The following EHD2 variants were observed in gnomAD, a reference collection of about 807,000 sequenced individuals.
The protein encoded by EHD2 is EH domain containing 2, also known as EH domain-containing protein 2.
Under a neutral mutation model 41.0 loss-of-function variants are expected in EHD2, and 27 were observed. The observed-to-expected ratio is 0.66, with a 90% confidence interval of 0.49 to 0.91. EHD2 has a LOEUF of 0.91. Among genes scored for constraint, EHD2 ranks in the 40% least tolerant of loss-of-function variants. EHD2 has a pLI of 0.00. For synonymous variants in EHD2, 342 were observed against 341.0 expected (o/e 1.00, Z -0.03); for missense variants, 673 against 773.9 (o/e 0.87, Z 1.55).
intron 4 of EHD2, among the ~76,000 whole-genome samples, chr19:47,730,578 C>G (rs1179786880): frequency 2.6e-5 from 4 of 152,150 alleles, no homozygotes; most frequent in African/African-American, 9.7e-5. Context: ...CCCTCATGCT[C>G]TCCTCCAAAG....
At position 47,725,887 on chromosome 19, in the gene EHD2, A is replaced by G. The variant is rs777696254; in HGVS notation, c.578A>G (p.Lys193Arg). 2 of 1,613,748 alleles carry G rather than the reference A, an allele frequency of 1.2e-6. No individual in the cohort carries two copies. The highest frequency in any genetic ancestry group is 2.2e-5 in the East Asian group (1 of 44,870). ...ATCATCCTGCTCTTTGATGCGCACA[A>G]GCTGGAGATCTCGGACGAGTTCTCA... ...DLIILLFDAHKLEISDEFSEA... is the reference protein window; with the variant it reads ...DLIILLFDAHRLEISDEFSEA... The change falls in exon 4 of 6, where the codon AAG (lysine) becomes AGG (arginine). Residue 193 changes from lysine to arginine, a missense_variant. Coordinates refer to ENST00000263277, the MANE Select transcript of EHD2 (RefSeq NM_014601.4).
intron 2 of EHD2, among the ~76,000 whole-genome samples, chr19:47,718,029 T>G (rs921370114): frequency 1.3e-5 from 2 of 150,718 alleles, no homozygotes; most frequent in Admixed American, 1.3e-4. Context: ...TCCCAGCACT[T>G]TGGGAGGCTG....
chr19:47,718,399 C>A, intron 2 of EHD2, 110 bp from the exon 3 acceptor site: 1 of 889,000 alleles, frequency 1.1e-6, no homozygotes, highest in Non-Finnish European at 1.8e-6. Context: ...TCTTTCTTCG[C>A]CCATAAAGGA....
chr19:47,740,836 G>A, intron 5 of EHD2, 45 bp from the exon 6 acceptor site: 1 of 1,595,242 alleles, frequency 6.3e-7, no homozygotes. Context: ...AGGGCCTCAG[G>A]GATGGCGCCG....
chr19:47,737,098 G>GC (rs1966931865), intron 5 of EHD2, among the ~76,000 whole-genome samples: 2 of 151,970 alleles, frequency 1.3e-5, no homozygotes, highest in Non-Finnish European at 2.9e-5. Flanking sequence ...GGGTGTGGTG[G>GC]TGGGCGCCTG....
intron 1 of EHD2, among the ~76,000 whole-genome samples, chr19:47,714,833 G>A (rs139521010): frequency 1.3e-5 from 2 of 152,022 alleles, no homozygotes; most frequent in African/African-American, 2.4e-5. Flanking sequence ...TCAGGAGTTC[G>A]AGACCACCCA....
chr19:47,735,857 T>C (rs949221137), intron 4 of EHD2, among the ~76,000 whole-genome samples: 7 of 150,334 alleles, frequency 4.7e-5, no homozygotes, highest in African/African-American at 1.5e-4. Context: ...AGCGAGCTGA[T>C]TGCACCACTG....
At position 47,716,583 on chromosome 19, in the gene EHD2, C is replaced by A; in HGVS notation, c.-30C>A. The A allele has an allele frequency of 6.8e-7, 1 of 1,472,460 alleles. No homozygotes were observed. Among genetic ancestry groups the A allele is most frequent in the Non-Finnish European group, 9.0e-7 (1 of 1,114,046 alleles). The allele number at this position is 1,472,460 out of a possible 1,614,324, so 91.2% of individuals were successfully genotyped here. Reference sequence around the variant, plus strand: ...GCAGCTCTCCATCTGCACGTCTCTCCGTGAACCCCGTGAGCGGTGTGCAGC... The same window carrying A: ...GCAGCTCTCCATCTGCACGTCTCTCAGTGAACCCCGTGAGCGGTGTGCAGC... On this transcript the variant is annotated 5_prime_UTR_variant, in exon 2 of 6. Coordinates refer to ENST00000263277, the MANE Select transcript of EHD2 (RefSeq NM_014601.4).
intron 5 of EHD2, among the ~76,000 whole-genome samples, chr19:47,739,815 G>C (rs538560297): frequency 6.6e-6 from 1 of 151,472 alleles, no homozygotes; most frequent in African/African-American, 2.4e-5. Flanking sequence ...GGTAGAGGGC[G>C]GTTAGGGTTC....
At chr19:47,717,530 T>C (rs1973642102) in intron 2 of EHD2, among the ~76,000 whole-genome samples, 3 of 152,316 alleles carry the variant, frequency 2.0e-5, no homozygotes, top group African/African-American at 7.2e-5. Flanking sequence ...TATGCCTGGT[T>C]CAAATCCCGG....
chr19:47,732,097 T>C (rs1209589969), intron 4 of EHD2: 1 of 151,494 alleles, frequency 6.6e-6, no homozygotes, highest in Non-Finnish European at 1.5e-5. Context: ...CCGGCCAATA[T>C]ACTGCATTTT....
intron 3 of EHD2, among the ~76,000 whole-genome samples, chr19:47,725,279 G>A (rs888619662): frequency 1.5e-4 from 23 of 151,912 alleles, no homozygotes; most frequent in Admixed American, 8.5e-4. Context: ...GGCTGGGCGC[G>A]GTGGCCCACG....
At position 47,735,941 on chromosome 19, in the gene EHD2, T is replaced by C. The variant is rs201563298; in HGVS notation, c.916-428T>C. ...GACTGGGCACGGTGGCTCACACCTG[T>C]AATCCCAGCACTTTGGGAGGCCAAG... On this transcript the variant is annotated intron_variant, in intron 4 of 5. Transcript: ENST00000263277. Among the ~76,000 whole-genome samples the C allele has an allele frequency of 6.7e-5, 10 of 150,108 alleles. No individual in the cohort carries two copies. In the East Asian group the frequency reaches 2.0e-3, roughly 29 times the overall value.
rs746667239 is a variant in EHD2, at chr19:47,718,647, T to A, written c.502+41T>A. The A allele has an allele frequency of 1.2e-5, 18 of 1,510,854 alleles. No homozygotes were observed. In the South Asian group the frequency reaches 2.0e-4, roughly 17 times the overall value. The allele number at this position is 1,510,854 out of a possible 1,614,324, so 93.6% of individuals were successfully genotyped here. ...CCCTGGGGTCTGAGGGAGGAGGGGC[T>A]GGGGCCTGGACTCCTGGGTCTGAGG... On this transcript the variant is annotated intron_variant, in intron 3 of 5. Transcript: ENST00000263277.
At chr19:47,735,762 G>C (rs987671343) in intron 4 of EHD2, among the ~76,000 whole-genome samples, 2 of 151,868 alleles carry the variant, frequency 1.3e-5, no homozygotes, top group Non-Finnish European at 2.9e-5. Context: ...AAAATTAGCC[G>C]GGTGTGGTGG....
At chr19:47,717,191 AC>A (rs774274574) in intron 2 of EHD2, among the ~76,000 whole-genome samples, 175 bp downstream of exon 2, 1 of 151,974 alleles carries the variant, frequency 6.6e-6, no homozygotes, top group Non-Finnish European at 1.5e-5. Context: ...GGGATTACAG[AC>A]ACCCACCACC....
intron 4 of EHD2, among the ~76,000 whole-genome samples, chr19:47,735,402 T>G (rs1361320359): frequency 6.6e-6 from 1 of 152,120 alleles, no homozygotes; most frequent in Admixed American, 6.6e-5. Flanking sequence ...AGGCTCACAG[T>G]GTGGCACCTC....
rs970967092 is a variant in EHD2, at chr19:47,719,274, G to A, written c.502+668G>A. On this transcript the variant is annotated intron_variant, in intron 3 of 5. Transcript: ENST00000263277. The surrounding 1 kb of genome is among the most constrained non-coding windows in gnomAD (Gnocchi z 4.1). ...GGCCTGGAGATGAGGCAGAGCCTGG[G>A]CAGGGGAGGCAGAGCCCGGGCAGGG... Among the ~76,000 whole-genome samples the A allele has an allele frequency of 2.6e-5, 4 of 152,110 alleles. No individual in the cohort carries two copies. The highest frequency in any genetic ancestry group is 4.8e-5 in the African/African-American group (2 of 41,420).
At chr19:47,723,282 C>T (rs1973715745) in intron 3 of EHD2, among the ~76,000 whole-genome samples, 1 of 152,198 alleles carries the variant, frequency 6.6e-6, no homozygotes, top group Admixed American at 6.5e-5. Flanking sequence ...GGTGACATCA[C>T]CATGACTTGC....
Sources: allele counts gnomAD v4.1 joint callset (sites outside exome capture counted in the v4.1 genomes callset), GRCh38; gene constraint gnomAD v4.1.1; non-coding constraint Gnocchi (gnomAD v3.1); transcripts MANE v1.5; gene names NCBI Gene and HGNC (gene_info 2026-07-23, HGNC 2026-07-21).